The following CADPS2 variants were observed in gnomAD, a reference collection of about 807,000 sequenced individuals.
CADPS2 encodes the protein calcium dependent secretion activator 2, also known as calcium-dependent secretion activator 2.
CADPS2 carries 93 observed loss-of-function variants against 172.5 expected under a neutral mutation model. The observed-to-expected ratio is 0.54, with a 90% CI of 0.46 to 0.64. The LOEUF (loss-of-function observed/expected upper bound fraction) is 0.64, where lower values mean the gene tolerates loss of function less well. Ranked by LOEUF, CADPS2 falls within the 30% of genes least tolerant of loss-of-function variation. The probability of loss-of-function intolerance (pLI) is 0.00; values close to 1 mark genes in which losing one functional copy is unlikely to be tolerated. For missense variants in CADPS2, 1,420 were observed against 1,565.9 expected (o/e 0.91, Z 1.57); for synonymous variants, 546 against 555.2 (o/e 0.98, Z 0.23).
At chr7:122,475,071 G>A (rs2056471469) in intron 12 of CADPS2, among the ~76,000 whole-genome samples, 1 of 152,112 alleles carries the variant, frequency 6.6e-6, no homozygotes, top group Non-Finnish European at 1.5e-5. Context: ...TCATGTTTGC[G>A]CAAATATGCA....
At chr7:122,564,667 G>A (rs1427988861) in intron 7 of CADPS2, among the ~76,000 whole-genome samples, 1 of 152,014 alleles carries the variant, frequency 6.6e-6, no homozygotes, top group Non-Finnish European at 1.5e-5. Flanking sequence ...CCACTACTAA[G>A]TACCCAAAGT....
intron 19 of CADPS2, chr7:122,409,658 C>A: frequency 2.1e-6 from 1 of 470,826 alleles, no homozygotes; most frequent in South Asian, 1.6e-5. Context: ...TAAGCAATCA[C>A]TGTCTTTGAA....
chr7:122,368,398 C>T (rs1428188192), intron 25 of CADPS2, among the ~76,000 whole-genome samples: 1 of 152,120 alleles, frequency 6.6e-6, no homozygotes, highest in Non-Finnish European at 1.5e-5. Flanking sequence ...CTGAGTTCTG[C>T]ATGGTGTTGT....
At chr7:122,590,253 T>C (rs1449321910) in intron 6 of CADPS2, among the ~76,000 whole-genome samples, 1 of 151,824 alleles carries the variant, frequency 6.6e-6, no homozygotes, top group African/African-American at 2.4e-5. Context: ...CAAAATAGTG[T>C]GGTCCTGGCA....
At chr7:122,861,622 C>G (rs1816963972) in intron 1 of CADPS2, among the ~76,000 whole-genome samples, 1 of 151,982 alleles carries the variant, frequency 6.6e-6, no homozygotes, top group Non-Finnish European at 1.5e-5. Flanking sequence ...CTATTTTTGC[C>G]ATAGTCAACA....
At chr7:122,781,038 TAAG>T in intron 1 of CADPS2, among the ~76,000 whole-genome samples, 1 of 152,346 alleles carries the variant, frequency 6.6e-6, no homozygotes, top group African/African-American at 2.4e-5. Context: ...AAATCATATA[TAAG>T]AATACTTTCT....
chr7:122,633,672 T>C (rs1180037572), intron 3 of CADPS2, among the ~76,000 whole-genome samples: 1 of 152,148 alleles, frequency 6.6e-6, no homozygotes, highest in Non-Finnish European at 1.5e-5. Flanking sequence ...TTTTCCTACA[T>C]GGATGCATTT....
chr7:122,787,763 G>C (rs1028537745), intron 1 of CADPS2, among the ~76,000 whole-genome samples: 3 of 152,154 alleles, frequency 2.0e-5, no homozygotes, highest in South Asian at 4.1e-4. Context: ...CAGGATACTT[G>C]GTATTAGCTG....
Position 122,345,581 on chromosome 7 carries a change from A to G in CADPS2, c.3605T>C (p.Leu1202Ser), listed in dbSNP as rs1238905239. 2.5e-6 allele frequency: 4 copies of G among 1,597,826 alleles called. No individual in the cohort carries two copies. The highest frequency in any genetic ancestry group is 3.4e-6 in the Non-Finnish European group (4 of 1,166,390). ...KVNEEMYIEKLFDQWYSSSMK... is the reference protein window; with the variant it reads ...KVNEEMYIEKSFDQWYSSSMK... ...GCAAGGGAAGCTACTTACATCAAATAACTTTTCTATATACATTTCCTCATT... is the reference window on the plus strand; with the variant it reads ...GCAAGGGAAGCTACTTACATCAAATGACTTTTCTATATACATTTCCTCATT... Residue 1202 changes from leucine to serine, a missense_variant, in exon 28 of 30, where the codon TTA becomes TCA. Transcript: ENST00000449022.
intron 1 of CADPS2, among the ~76,000 whole-genome samples, chr7:122,771,565 A>C (rs963868646): frequency 2.0e-5 from 3 of 152,208 alleles, no homozygotes; most frequent in African/African-American, 7.2e-5. Context: ...AAATTAATTG[A>C]AATAATGTGC....
intron 9 of CADPS2, among the ~76,000 whole-genome samples, chr7:122,508,064 A>T (rs181522710): frequency 7.9e-5 from 12 of 152,300 alleles, no homozygotes; most frequent in Admixed American, 2.6e-4. Context: ...CTTGTGTAGA[A>T]AATTTTATAC....
At chr7:122,428,627 C>A (rs1487224849) in intron 17 of CADPS2, among the ~76,000 whole-genome samples, 1 of 151,896 alleles carries the variant, frequency 6.6e-6, no homozygotes, top group Non-Finnish European at 1.5e-5. Context: ...ACCACTATGC[C>A]TGGCTAAGTT....
At chr7:122,776,108 C>A (rs558010873) in intron 1 of CADPS2, among the ~76,000 whole-genome samples, 2 of 152,258 alleles carry the variant, frequency 1.3e-5, no homozygotes, top group East Asian at 1.9e-4. Flanking sequence ...TGTGTCCCCA[C>A]CCAAATCTCA....
chr7:122,745,696 G>T (rs1187193267), intron 1 of CADPS2, among the ~76,000 whole-genome samples: 1 of 150,610 alleles, frequency 6.6e-6, no homozygotes, highest in Non-Finnish European at 1.5e-5. Flanking sequence ...ATGAATAAAT[G>T]AAGTAAGGGA....
At chr7:122,664,112 T>C (rs542745132) in intron 2 of CADPS2, among the ~76,000 whole-genome samples, 1 of 148,758 alleles carries the variant, frequency 6.7e-6, no homozygotes, top group African/African-American at 2.5e-5. Flanking sequence ...ACTGGAGATA[T>C]GAACCCAACA....
chr7:122,701,291 G>C (rs1270507548), intron 2 of CADPS2, among the ~76,000 whole-genome samples: 1 of 152,246 alleles, frequency 6.6e-6, no homozygotes, highest in East Asian at 1.9e-4. Context: ...TCCTTTGTAG[G>C]GACATGGATG....
At chr7:122,691,501 GC>G (rs1191496467) in intron 2 of CADPS2, among the ~76,000 whole-genome samples, 1 of 152,222 alleles carries the variant, frequency 6.6e-6, no homozygotes, top group African/African-American at 2.4e-5. Flanking sequence ...TGAAGAGCCT[GC>G]TTGGCTGTGT....
chr7:122,593,313 G>A (rs1452828037), intron 6 of CADPS2, among the ~76,000 whole-genome samples: 1 of 151,754 alleles, frequency 6.6e-6, no homozygotes, highest in Non-Finnish European at 1.5e-5. Context: ...GTGGAAAAAA[G>A]ACCGATTAAA....
In CADPS2 at chr7:122,827,776, C is replaced by CA. The variant is rs553518197; in HGVS notation, c.339+58222dup. 1.8e-3 allele frequency among the ~76,000 whole-genome samples: 261 copies of CA among 145,420 alleles called. 1 individual carries two copies. The East Asian group carries it at 0.029, about 16-fold the overall frequency. On this transcript the variant is annotated intron_variant, in intron 1 of 29. Coordinates refer to ENST00000449022, the MANE Select transcript of CADPS2 (RefSeq NM_017954.11). ...ATATCAACATCAGACAAAAACAGTACAAAAAAAAAATACAGACAAGTATCA... is the reference window on the plus strand; with the variant it reads ...ATATCAACATCAGACAAAAACAGTACAAAAAAAAAAATACAGACAAGTATCA...
Sources: allele counts gnomAD v4.1 joint callset (sites outside exome capture counted in the v4.1 genomes callset), GRCh38; gene constraint gnomAD v4.1.1; transcripts MANE v1.5; gene names NCBI Gene and HGNC (gene_info 2026-07-23, HGNC 2026-07-21).